CLCN5: variants seen among roughly 807,000 people sequenced by gnomAD.
CLCN5 encodes the protein H(+)/Cl(-) exchange transporter 5.
In CLCN5, 17 loss-of-function variants were observed where a neutral mutation model predicts 54.0. That is an observed-to-expected ratio of 0.31 (90% CI 0.22 to 0.47). CLCN5 has a LOEUF of 0.47. Among genes scored for constraint, CLCN5 ranks in the 20% least tolerant of loss-of-function variants. The pLI, the probability that CLCN5 is intolerant of heterozygous loss-of-function variation, is 1.00. For missense variants in CLCN5, 448 were observed against 646.7 expected (o/e 0.69, Z 3.33); for synonymous variants, 222 against 233.0 (o/e 0.95, Z 0.43).
At chrX:49,997,950 G>C (rs1929610745) in intron 3 of CLCN5, among the ~76,000 whole-genome samples, 1 of 111,401 alleles carries the variant, frequency 9.0e-6, no homozygotes, top group South Asian at 3.8e-4. Flanking sequence ...GTTCCTTTCT[G>C]GCCTCAGACA....
At chrX:49,993,236 G>A (rs1352287262) in intron 3 of CLCN5, among the ~76,000 whole-genome samples, 1 of 111,795 alleles carries the variant, frequency 8.9e-6, no homozygotes, top group East Asian at 2.8e-4. Context: ...AAGGGTTTCC[G>A]GTTGTCCTTG....
At chrX:50,002,101 C>T (rs781817909) in intron 3 of CLCN5, among the ~76,000 whole-genome samples, 2 of 101,600 alleles carry the variant, frequency 2.0e-5, no homozygotes, top group African/African-American at 7.2e-5. Context: ...CTTCAGACTT[C>T]TTTTTTTTTT....
intron 7 of CLCN5, among the ~76,000 whole-genome samples, chrX:50,080,224 TG>T (rs372023556): frequency 3.3e-4 from 37 of 111,092 alleles, no homozygotes; most frequent in Non-Finnish European, 5.8e-4. Context: ...CCAAAAAAGC[TG>T]GGGGGGTGCT....
intron 3 of CLCN5, among the ~76,000 whole-genome samples, chrX:50,018,304 G>A (rs1175683569): frequency 2.7e-5 from 3 of 111,876 alleles, no homozygotes; most frequent in Non-Finnish European, 5.7e-5. Flanking sequence ...GTTGATTTTT[G>A]TATATTAACC....
chrX:50,056,658 A>T (rs1557188997), intron 4 of CLCN5, among the ~76,000 whole-genome samples: 1 of 111,727 alleles, frequency 9.0e-6, no homozygotes, highest in Admixed American at 9.6e-5. Context: ...TGAGTCAGGA[A>T]CTTCCAGATT....
At chrX:50,032,671 G>C (rs1302774241) in intron 3 of CLCN5, among the ~76,000 whole-genome samples, 1 of 109,160 alleles carries the variant, frequency 9.2e-6, no homozygotes, top group South Asian at 3.9e-4. Flanking sequence ...TTTGTAGGTT[G>C]CCTGTTCACT....
At chrX:50,066,196 C>A (rs1933012129) in intron 4 of CLCN5, among the ~76,000 whole-genome samples, 1 of 88,914 alleles carries the variant, frequency 1.1e-5, no homozygotes, top group South Asian at 4.3e-4. Flanking sequence ...AAGAGAAATT[C>A]CAGAGCAAAA....
At chrX:49,937,169 A>G (rs1488904845) in intron 3 of CLCN5, among the ~76,000 whole-genome samples, 3 of 111,469 alleles carry the variant, frequency 2.7e-5, no homozygotes, top group Non-Finnish European at 5.6e-5. Context: ...ATATTATAGG[A>G]TCCCACTTGT....
chrX:49,930,521 A>C (rs782728099), intron 3 of CLCN5, among the ~76,000 whole-genome samples: 10 of 111,856 alleles, frequency 8.9e-5, no homozygotes, highest in Non-Finnish European at 1.7e-4. Context: ...CTATTTAGTA[A>C]CACAGAAATA....
chrX:50,030,787 TAATCTG>T (rs1931658748), intron 3 of CLCN5, among the ~76,000 whole-genome samples: 1 of 112,649 alleles, frequency 8.9e-6, no homozygotes, highest in African/African-American at 3.2e-5. Context: ...TTTTATCTGT[TAATCTG>T]ATAACTTATG....
At chrX:50,039,378 G>A (rs1932124207) in intron 3 of CLCN5, among the ~76,000 whole-genome samples, 1 of 111,936 alleles carries the variant, frequency 8.9e-6, no homozygotes, top group African/African-American at 3.2e-5. Context: ...CCTGAGTGGT[G>A]TTCCAAGAAA....
chrX:50,023,163 T>C (rs1602060190), intron 3 of CLCN5, among the ~76,000 whole-genome samples: 2 of 90,412 alleles, frequency 2.2e-5, no homozygotes, highest in Admixed American at 2.3e-4. Context: ...TGGGTGCTCC[T>C]GTATTGGGTG....
At chrX:49,992,258 A>C (rs1328779671) in intron 3 of CLCN5, among the ~76,000 whole-genome samples, 5 of 105,487 alleles carry the variant, frequency 4.7e-5, no homozygotes, top group Non-Finnish European at 9.7e-5. Context: ...AAATAACAAA[A>C]ATGTTCTCAG....
At chrX:50,064,045 C>T (rs1932917434) in intron 4 of CLCN5, among the ~76,000 whole-genome samples, 2 of 104,740 alleles carry the variant, frequency 1.9e-5, no homozygotes, top group Non-Finnish European at 3.9e-5. Context: ...AAACCCACAG[C>T]CAATATCATA....
chrX:50,012,524 G>A (rs1557182720), intron 3 of CLCN5, among the ~76,000 whole-genome samples: 1 of 112,382 alleles, frequency 8.9e-6, no homozygotes, highest in African/African-American at 3.2e-5. Context: ...TTCTATTCAG[G>A]TTGTCCCTCT....
At chrX:50,040,939 C>G (rs968866144) in intron 3 of CLCN5, among the ~76,000 whole-genome samples, 3 of 112,251 alleles carry the variant, frequency 2.7e-5, no homozygotes, top group Non-Finnish European at 5.6e-5. Context: ...ACAACAACAA[C>G]AACACTAACT....
At chrX:49,939,588 T>G (rs1926212212) in intron 3 of CLCN5, among the ~76,000 whole-genome samples, 1 of 109,293 alleles carries the variant, frequency 9.1e-6, no homozygotes, top group Non-Finnish European at 1.9e-5. Context: ...AATTGAACAA[T>G]GAGAACACTT....
In CLCN5 at chrX:50,075,914, A is replaced by G; in HGVS notation, c.535A>G (p.Thr179Ala). 1.6e-5 allele frequency: 19 copies of G among 1,211,305 alleles called. No individual in the cohort carries two copies. Among genetic ancestry groups the G allele is most frequent in the Non-Finnish European group, 2.0e-5 (18 of 895,018 alleles). ...TTGTTGCTGGAACTCTGAGCATGTCACCTTTGAAGAGAGAGACAAATGTCC... is the reference window on the plus strand; with the variant it reads ...TTGTTGCTGGAACTCTGAGCATGTCGCCTTTGAAGAGAGAGACAAATGTCC... ...EHCCWNSEHV[T>A]FEERDKCPEW... The change falls in exon 7 of 15, where the codon ACC (threonine) becomes GCC (alanine). Residue 179 changes from threonine (T) to alanine (A), a missense_variant. Thr to Ala is a moderately conservative substitution (Grantham distance 58, BLOSUM62 0). Transcript: ENST00000376091.
chrX:49,997,687 G>A (rs1446291391), intron 3 of CLCN5, among the ~76,000 whole-genome samples: 1 of 108,133 alleles, frequency 9.2e-6, no homozygotes, highest in Non-Finnish European at 1.9e-5. Context: ...TACTATGCCC[G>A]GCCTTTTTTT....
Sources: allele counts gnomAD v4.1 joint callset (sites outside exome capture counted in the v4.1 genomes callset), GRCh38; gene constraint gnomAD v4.1.1; transcripts MANE v1.5; gene names NCBI Gene and HGNC (gene_info 2026-07-23, HGNC 2026-07-21).